Variants in CAND1 observed in about 807,000 individuals in gnomAD.
The protein encoded by CAND1 is cullin-associated NEDD8-dissociated protein 1.
CAND1 carries 7 observed loss-of-function variants against 108.5 expected under a neutral mutation model. The ratio of observed to expected loss-of-function variants is 0.06; its 90% confidence interval spans 0.04 to 0.12. CAND1 has a LOEUF of 0.12. CAND1 is among the 10% of genes least tolerant of loss of function. The pLI is 1.00. For synonymous variants in CAND1, 534 were observed against 512.0 expected (o/e 1.04, Z -0.58); for missense variants, 941 against 1,448.7 (o/e 0.65, Z 5.69).
chr12:67,282,977 T>A (rs1022690117), intron 2 of CAND1, among the ~76,000 whole-genome samples: 1 of 152,208 alleles, frequency 6.6e-6, no homozygotes, highest in Non-Finnish European at 1.5e-5. Context: ...ACATACTGAT[T>A]TAGTTTATGA....
At chr12:67,282,098 A>G (rs774454881) in intron 2 of CAND1, 45 bp downstream of exon 2, 10 of 1,595,924 alleles carry the variant, frequency 6.3e-6, no homozygotes, top group Non-Finnish European at 8.5e-6. Context: ...TGCTCCCCCA[A>G]CCCTGTTTTT....
At position 67,311,777 on chromosome 12, in the gene CAND1, T is replaced by G. The variant is rs1419146322; in HGVS notation, c.3445T>G (p.Leu1149Val). 1 of 1,606,688 alleles carries G rather than the reference T, an allele frequency of 6.2e-7. No individual in the cohort carries two copies. The change falls in exon 14 of 15, where the codon TTA (leucine) becomes GTA (valine). Residue 1149 changes from leucine to valine, a missense_variant. Leu to Val is a conservative substitution (Grantham distance 32). Coordinates refer to ENST00000545606, the MANE Select transcript of CAND1 (RefSeq NM_018448.5). Reference protein sequence around the residue: ...LQRLDRLVEPLRATCTTKVKA... With the variant: ...LQRLDRLVEPVRATCTTKVKA... ...GAGGTTGGACCGACTTGTTGAGCCA[T>G]TACGTGCAACATGTACAACTAAGGT...
At chr12:67,270,046 AC>A in intron 1 of CAND1, 1 of 459,986 alleles carries the variant, frequency 2.2e-6, no homozygotes, top group Non-Finnish European at 3.8e-6. Flanking sequence ...CAGCGCCCCC[AC>A]ATCCTTCCCT....
chr12:67,298,908 T>TA, intron 6 of CAND1, 42 bp from the exon 7 acceptor site: 1 of 1,217,864 alleles, frequency 8.2e-7, no homozygotes, highest in Non-Finnish European at 1.2e-6. Flanking sequence ...AATCAAGGAG[T>TA]AAAATGCAGC....
chr12:67,298,364 C>CGT (rs2044789696), intron 6 of CAND1, among the ~76,000 whole-genome samples: 1 of 139,122 alleles, frequency 7.2e-6, no homozygotes, highest in African/African-American at 3.4e-5. Context: ...AATGCAGTAG[C>CGT]ATGGTGTCTT....
chr12:67,302,628 G>A lies in CAND1; in HGVS notation c.1293+13G>A. 6.3e-7 allele frequency: 1 copy of A among 1,594,324 alleles called. No homozygotes were observed. The highest frequency in any genetic ancestry group is 1.3e-5 in the African/African-American group (1 of 74,304). On this transcript the variant is annotated intron_variant, in intron 8 of 14. Coordinates refer to ENST00000545606, the MANE Select transcript of CAND1 (RefSeq NM_018448.5). ...GCTTCAGAGTCAGGTGGGTTTTAAAGTAAAGTTTAGAAAATCATGATAGTA... is the reference window on the plus strand; with the variant it reads ...GCTTCAGAGTCAGGTGGGTTTTAAAATAAAGTTTAGAAAATCATGATAGTA...
At chr12:67,275,086 GT>G (rs768717565) in intron 1 of CAND1, among the ~76,000 whole-genome samples, 1 of 152,024 alleles carries the variant, frequency 6.6e-6, no homozygotes, top group African/African-American at 2.4e-5. Flanking sequence ...TTACTTTGAT[GT>G]TTTTTTCTTG....
At chr12:67,275,249 T>G (rs2044557973) in intron 1 of CAND1, among the ~76,000 whole-genome samples, 1 of 152,012 alleles carries the variant, frequency 6.6e-6, no homozygotes, top group African/African-American at 2.4e-5. Context: ...AATTTAGGTC[T>G]TGTGTGGTGG....
Position 67,297,482 on chromosome 12 carries a change from T to G in CAND1, c.567T>G (p.Leu189=), listed in dbSNP as rs745985380. 11 of 1,613,972 alleles carry G rather than the reference T, an allele frequency of 6.8e-6. No individual in the cohort carries two copies. In the Admixed American group the frequency reaches 8.3e-5, roughly 12 times the overall value. The change falls in exon 5 of 15, where the codon CTT becomes CTG. Residue 189 remains leucine (L), a synonymous_variant. Coordinates refer to ENST00000545606, the MANE Select transcript of CAND1 (RefSeq NM_018448.5). ...CLLPQLTSPR[L]AVRKRTIIAL... ...TTCCCCAGTTGACCAGCCCTAGACT[T>G]GCAGTGAGGAAAAGAACCATTATCG... is the stretch of plus-strand genomic sequence containing the variant.
intron 2 of CAND1, among the ~76,000 whole-genome samples, chr12:67,285,793 T>G (rs986609042): frequency 6.6e-6 from 1 of 152,192 alleles, no homozygotes; most frequent in Non-Finnish European, 1.5e-5. Flanking sequence ...TAGTATGTGT[T>G]CCTGTGTCTG....
chr12:67,288,164 G>GT, intron 2 of CAND1, among the ~76,000 whole-genome samples: 1 of 144,740 alleles, frequency 6.9e-6, no homozygotes. Context: ...TTAGACTCCA[G>GT]TCTGTCACCC....
At chr12:67,309,868 T>C (rs750865615) in intron 11 of CAND1, 33 bp from the exon 12 acceptor site, 11 of 1,487,468 alleles carry the variant, frequency 7.4e-6, no homozygotes, top group Middle Eastern at 1.8e-4. Flanking sequence ...AAGTTTATCA[T>C]GTCTGTCTGT....
intron 2 of CAND1, among the ~76,000 whole-genome samples, chr12:67,285,435 G>C (rs1273535030): frequency 6.6e-6 from 1 of 152,056 alleles, no homozygotes; most frequent in East Asian, 1.9e-4. Context: ...AGTATATTAG[G>C]GTTGAGAGTG....
chr12:67,290,062 A>G (rs1212392969), intron 2 of CAND1, among the ~76,000 whole-genome samples: 1 of 152,052 alleles, frequency 6.6e-6, no homozygotes, highest in Non-Finnish European at 1.5e-5. Context: ...ATAGGTGGTT[A>G]TTTTTCCTAT....
At chr12:67,310,553 T>G (rs2044938417) in intron 13 of CAND1, 4 of 343,686 alleles carry the variant, frequency 1.2e-5, no homozygotes, top group Non-Finnish European at 2.1e-5. Context: ...TGCAAAATGC[T>G]GTGTGCCCAC....
At position 67,318,025 on chromosome 12, in the gene CAND1, G is replaced by A. The variant is rs1187947974; in HGVS notation, c.*5195G>A. 1 of 152,194 alleles carries A rather than the reference G, an allele frequency of 6.6e-6. No homozygotes were observed. The highest frequency in any genetic ancestry group is 1.5e-5 in the Non-Finnish European group (1 of 68,060). The allele number at this position is 152,194 out of a possible 1,614,324, so 9.4% of individuals were successfully genotyped here. On this transcript the variant is annotated 3_prime_UTR_variant, in exon 15 of 15. Transcript: ENST00000545606. ...GAGGCAGAATATGATAAAGAACAAG[G>A]ACTCTGGGAGGCCAAGGCAGGTGGA...
chr12:67,296,813 G>A (rs1451294633), intron 4 of CAND1, among the ~76,000 whole-genome samples: 1 of 150,564 alleles, frequency 6.6e-6, no homozygotes, highest in African/African-American at 2.4e-5. Flanking sequence ...TTTGTGTTTG[G>A]TTTTGGTTTT....
intron 8 of CAND1, among the ~76,000 whole-genome samples, chr12:67,302,824 A>T (rs1177192197): frequency 6.6e-6 from 1 of 152,218 alleles, no homozygotes; most frequent in Non-Finnish European, 1.5e-5. Context: ...ACAATATTTA[A>T]ATAATTTTAA....
In CAND1 at chr12:67,292,621, G is replaced by T; in HGVS notation, c.213-1G>T. The T allele has an allele frequency of 6.2e-7, 1 of 1,603,334 alleles. No homozygotes were observed. ...TAAACAATTTCTTCTTTGTATTACA[G>T]TCTTGGTCCTTTAGTGAGTAAAGTG... On this transcript the variant is annotated splice_acceptor_variant, in intron 2 of 14. Transcript: ENST00000545606. LOFTEE classifies it high-confidence loss of function.
Sources: allele counts gnomAD v4.1 joint callset (sites outside exome capture counted in the v4.1 genomes callset), GRCh38; gene constraint gnomAD v4.1.1; transcripts MANE v1.5; gene names NCBI Gene and HGNC (gene_info 2026-07-23, HGNC 2026-07-21).